B3GALT1: variants seen among roughly 807,000 people sequenced by gnomAD.
B3GALT1 encodes the protein UDP-Gal:betaGlcNAc beta 1,3-galactosyltransferase, polypeptide 1.
In B3GALT1, 10 loss-of-function variants were observed where a neutral mutation model predicts 23.2. That is an observed-to-expected ratio of 0.43 (90% CI 0.27 to 0.73). The LOEUF is 0.73. Among genes scored for constraint, B3GALT1 ranks in the 30% least tolerant of loss-of-function variants. B3GALT1 has a pLI of 0.21. For synonymous variants in B3GALT1, 156 were observed against 141.5 expected, an observed-to-expected ratio of 1.10 and a Z score of -0.73; for missense variants, 299 against 405.4, an observed-to-expected ratio of 0.74 and a Z score of 2.25.
intron 3 of B3GALT1, among the ~76,000 whole-genome samples, chr2:167,733,037 G>A (rs1298333472): frequency 6.6e-6 from 1 of 152,200 alleles, no homozygotes; most frequent in Non-Finnish European, 1.5e-5. Context: ...AGTGGCAGCT[G>A]GACTGTAAAG....
intron 1 of B3GALT1, among the ~76,000 whole-genome samples, chr2:167,319,708 A>G (rs973599870): frequency 3.3e-5 from 5 of 152,120 alleles, no homozygotes; most frequent in South Asian, 2.1e-4. Context: ...AAAGATATAT[A>G]TAATGTTTGT....
chr2:167,366,793 A>G (rs1252272987), intron 1 of B3GALT1, among the ~76,000 whole-genome samples: 1 of 152,196 alleles, frequency 6.6e-6, no homozygotes, highest in Non-Finnish European at 1.5e-5. Context: ...TGACTTTGGC[A>G]TTGGCTAGAA....
chr2:167,527,776 G>A lies in B3GALT1; in HGVS notation c.-410+37499G>A, dbSNP rs188752895. 3.1e-4 allele frequency among the ~76,000 whole-genome samples: 47 copies of A among 152,184 alleles called. 1 individual carries two copies. In the East Asian group the frequency reaches 8.1e-3, roughly 26 times the overall value. On this transcript the variant is annotated intron_variant, in intron 2 of 4. Coordinates refer to ENST00000392690, the MANE Select transcript of B3GALT1 (RefSeq NM_020981.4). The stretch of plus-strand genomic sequence containing the variant: ...CCTCTCTAAAAGTTGAAGAAATAGA[G>A]GTATTATATGGTCAAGTGGTTTTCT...
At chr2:167,437,992 T>G (rs55795853) in intron 1 of B3GALT1, among the ~76,000 whole-genome samples, 11,276 of 152,230 alleles carry the variant, frequency 0.074, 591 homozygotes, top group Middle Eastern at 0.17. Flanking sequence ...CTTTCTTCCC[T>G]CCTAGTGAGG....
chr2:167,385,351 C>A (rs116793457), intron 1 of B3GALT1, among the ~76,000 whole-genome samples: 427 of 152,256 alleles, frequency 2.8e-3, no homozygotes, highest in African/African-American at 9.7e-3. Flanking sequence ...TCCCTAATAG[C>A]ACTTTAGTGT....
chr2:167,781,615 A>G (rs1574259548), intron 3 of B3GALT1, among the ~76,000 whole-genome samples: 1 of 152,202 alleles, frequency 6.6e-6, no homozygotes, highest in East Asian at 1.9e-4. Flanking sequence ...CAGTATTTCC[A>G]GATTATTTCT....
chr2:167,780,708 A>T (rs546827384), intron 3 of B3GALT1, among the ~76,000 whole-genome samples: 1 of 152,368 alleles, frequency 6.6e-6, no homozygotes, highest in South Asian at 2.1e-4. Flanking sequence ...GATGTGATCC[A>T]TGCTGAAGTT....
At chr2:167,817,794 T>C (rs1689024994) in intron 3 of B3GALT1, among the ~76,000 whole-genome samples, 1 of 152,222 alleles carries the variant, frequency 6.6e-6, no homozygotes, top group African/African-American at 2.4e-5. Flanking sequence ...ACATTCCACT[T>C]TTTATTATGA....
At chr2:167,839,043 T>C (rs1383298015) in intron 4 of B3GALT1, among the ~76,000 whole-genome samples, 7 of 152,178 alleles carry the variant, frequency 4.6e-5, no homozygotes, top group African/African-American at 1.7e-4. Flanking sequence ...TAATAAGAGC[T>C]ATCTATGACA....
chr2:167,600,362 C>T (rs1394229792), intron 2 of B3GALT1, among the ~76,000 whole-genome samples: 1 of 152,142 alleles, frequency 6.6e-6, no homozygotes, highest in Non-Finnish European at 1.5e-5. Context: ...TATTTGCTAA[C>T]AATTTTATTG....
At chr2:167,728,372 G>A (rs778320433) in intron 3 of B3GALT1, among the ~76,000 whole-genome samples, 2 of 152,120 alleles carry the variant, frequency 1.3e-5, no homozygotes, top group South Asian at 4.1e-4. Flanking sequence ...GGGTGACAGC[G>A]TGAGACTCCA....
At chr2:167,606,999 A>G (rs1001034016) in intron 2 of B3GALT1, among the ~76,000 whole-genome samples, 3 of 152,322 alleles carry the variant, frequency 2.0e-5, no homozygotes, top group African/African-American at 7.2e-5. Context: ...GTTGGCCTAC[A>G]AAAGATCCTG....
At chr2:167,838,061 A>T (rs1359428329) in intron 4 of B3GALT1, among the ~76,000 whole-genome samples, 4 of 149,564 alleles carry the variant, frequency 2.7e-5, no homozygotes, top group African/African-American at 7.3e-5. Flanking sequence ...CTAAATGCCC[A>T]CAAGAGAAAG....
At chr2:167,756,319 G>A (rs1574246861) in intron 3 of B3GALT1, among the ~76,000 whole-genome samples, 1 of 152,292 alleles carries the variant, frequency 6.6e-6, no homozygotes, top group African/African-American at 2.4e-5. Context: ...CCAAGCAGGG[G>A]TTGGGTAGAG....
At chr2:167,357,030 GTA>G (rs779802745) in intron 1 of B3GALT1, among the ~76,000 whole-genome samples, 34 of 151,104 alleles carry the variant, frequency 2.3e-4, no homozygotes, top group South Asian at 4.2e-4. Flanking sequence ...GTGTGTGTGT[GTA>G]TATATATATA....
chr2:167,661,697 T>C (rs1364319013), intron 3 of B3GALT1, among the ~76,000 whole-genome samples: 1 of 152,070 alleles, frequency 6.6e-6, no homozygotes, highest in Non-Finnish European at 1.5e-5. Context: ...TGTTCTGGAT[T>C]GCTCTTTTCC....
At chr2:167,666,371 T>G (rs1297222920) in intron 3 of B3GALT1, among the ~76,000 whole-genome samples, 1 of 152,172 alleles carries the variant, frequency 6.6e-6, no homozygotes, top group East Asian at 1.9e-4. Context: ...TACTTCCAAC[T>G]ATGTGGTCAA....
chr2:167,470,173 G>A (rs562691080), intron 1 of B3GALT1, among the ~76,000 whole-genome samples: 2 of 152,236 alleles, frequency 1.3e-5, no homozygotes, highest in South Asian at 4.1e-4. Context: ...CCCATAGGGT[G>A]TGTGTTTGAT....
At chr2:167,615,724 C>T (rs1685150503) in intron 2 of B3GALT1, among the ~76,000 whole-genome samples, 1 of 151,978 alleles carries the variant, frequency 6.6e-6, no homozygotes, top group South Asian at 2.1e-4. Context: ...ATAAGAGTAA[C>T]AATAATAATA....
Sources: allele counts gnomAD v4.1 joint callset (sites outside exome capture counted in the v4.1 genomes callset), GRCh38; gene constraint gnomAD v4.1.1; transcripts MANE v1.5; gene names NCBI Gene and HGNC (gene_info 2026-07-23, HGNC 2026-07-21).